MICAL2: variants seen among roughly 807,000 people sequenced by gnomAD.
MICAL2 encodes microtubule associated monooxygenase, calponin and LIM domain containing 2.
In MICAL2, 77 loss-of-function variants were observed where a neutral mutation model predicts 127.3. The ratio of observed to expected loss-of-function variants is 0.60; its 90% CI spans 0.50 to 0.73. The LOEUF is 0.73. Ranked by LOEUF, MICAL2 falls within the 30% of genes least tolerant of loss-of-function variation. MICAL2 has a pLI of 0.00. For missense variants in MICAL2, 1,351 were observed against 1,434.4 expected, an observed-to-expected ratio of 0.94 and a Z score of 0.94; for synonymous variants, 570 against 551.1, an observed-to-expected ratio of 1.03 and a Z score of -0.48.
At chr11:12,244,669 A>C (rs1251549668) in intron 21 of MICAL2, among the ~76,000 whole-genome samples, 1 of 152,154 alleles carries the variant, frequency 6.6e-6, no homozygotes, top group Admixed American at 6.5e-5. Flanking sequence ...TGAGTGTTGA[A>C]GGTTCCATGG....
At chr11:12,218,031 A>G (rs1365290934) in intron 8 of MICAL2, among the ~76,000 whole-genome samples, 1 of 152,200 alleles carries the variant, frequency 6.6e-6, no homozygotes, top group African/African-American at 2.4e-5. Flanking sequence ...ATGGATCCAT[A>G]TCTTCCTATA....
chr11:12,246,235 G>A (rs527704218), intron 21 of MICAL2, among the ~76,000 whole-genome samples: 195 of 152,350 alleles, frequency 1.3e-3, no homozygotes, highest in African/African-American at 4.4e-3. Context: ...GCCACTAAGC[G>A]TGTCCCCATC....
chr11:12,239,951 C>A (rs1479280479), intron 17 of MICAL2, among the ~76,000 whole-genome samples: 1 of 152,220 alleles, frequency 6.6e-6, no homozygotes, highest in African/African-American at 2.4e-5. Flanking sequence ...TAAATCCATT[C>A]CCTAATTTGG....
intron 29 of MICAL2, among the ~76,000 whole-genome samples, chr11:12,311,527 T>A (rs1310202415): frequency 6.6e-6 from 1 of 152,212 alleles, no homozygotes; most frequent in Non-Finnish European, 1.5e-5. Context: ...TTCTCCTGCC[T>A]TAGCCTCCAG....
chr11:12,321,475 C>G lies in MICAL2; in HGVS notation c.5328+1664C>G, dbSNP rs543411866. Among the ~76,000 whole-genome samples, 4 of 152,258 alleles carry G rather than the reference C, an allele frequency of 2.6e-5. No homozygotes were observed. The East Asian group carries it at 7.7e-4, about 29-fold the overall frequency. ...TTGCTTCACCCTTGCTCCCCACTGC[C>G]TCTCCTCCCACACCACACCCAGATC... On this transcript the variant is annotated intron_variant, in intron 30 of 34. Coordinates refer to the MICAL2 transcript ENST00000646065.
chr11:12,111,622 G>A (rs543213838), intron 1 of MICAL2, among the ~76,000 whole-genome samples: 30 of 152,368 alleles, frequency 2.0e-4, no homozygotes, highest in African/African-American at 7.0e-4. Flanking sequence ...AGCGGAAAGA[G>A]CTTTTATTTG....
chr11:12,284,465 C>T (rs1220317803), intron 2 of MICAL2, among the ~76,000 whole-genome samples: 1 of 152,028 alleles, frequency 6.6e-6, no homozygotes, highest in African/African-American at 2.4e-5. Flanking sequence ...TCATTACTAC[C>T]CACCCTATTG....
At chr11:12,181,144 A>C (rs1031707229) in intron 3 of MICAL2, among the ~76,000 whole-genome samples, 4 of 152,104 alleles carry the variant, frequency 2.6e-5, no homozygotes, top group African/African-American at 9.7e-5. Flanking sequence ...GGGTTTTGCT[A>C]TGTTGGCCAG....
At chr11:12,304,928 T>TC (rs1239462242) in intron 29 of MICAL2, among the ~76,000 whole-genome samples, 8 of 152,208 alleles carry the variant, frequency 5.3e-5, no homozygotes, top group Non-Finnish European at 1.2e-4. Context: ...CCATGTGACT[T>TC]ATGGAATGAA....
chr11:12,174,691 G>A (rs959327176), intron 3 of MICAL2, among the ~76,000 whole-genome samples: 48 of 152,054 alleles, frequency 3.2e-4, no homozygotes, highest in African/African-American at 1.1e-3. Context: ...GTTATTTTAG[G>A]TATATACCAG....
intron 22 of MICAL2, among the ~76,000 whole-genome samples, chr11:12,251,489 T>C (rs1249950797): frequency 6.6e-6 from 1 of 151,078 alleles, no homozygotes; most frequent in Non-Finnish European, 1.5e-5. Flanking sequence ...GTCTACCTCT[T>C]GGTGATTCTG....
Position 12,226,238 on chromosome 11 carries a change from C to G in MICAL2, c.1756C>G (p.Arg586Gly), listed in dbSNP as rs574255304. Residue 586 changes from arginine to glycine, a missense_variant, in exon 14 of 28, where the codon CGA becomes GGA. Around this residue, in one of 2 missense-constraint regions of MICAL2, gnomAD observed 752 missense variants for 719.4 expected, o/e 1.05. Transcript: ENST00000683283. ...CCAGCTCGCATTTGATGTGGCCGAG[C>G]GAGAGTTTGGGATCCCTCCAGTGAC... is the stretch of plus-strand genomic sequence containing the variant. Reference protein sequence around the residue: ...NNQLAFDVAEREFGIPPVTTG... With the variant: ...NNQLAFDVAEGEFGIPPVTTG... The G allele has an allele frequency of 4.2e-5, 67 of 1,614,218 alleles. No homozygotes were observed. In the South Asian group the frequency reaches 6.3e-4, roughly 15 times the overall value.
chr11:12,233,959 A>G (rs964764549), intron 15 of MICAL2, among the ~76,000 whole-genome samples: 9 of 152,248 alleles, frequency 5.9e-5, no homozygotes, highest in Admixed American at 2.0e-4. Context: ...CAGTGCTTCA[A>G]TGTTAAATTC....
intron 2 of MICAL2, among the ~76,000 whole-genome samples, chr11:12,157,503 A>G (rs992041582): frequency 5.3e-5 from 8 of 152,202 alleles, no homozygotes; most frequent in Non-Finnish European, 1.5e-5. Context: ...CACTTGGCAA[A>G]AACCAAATTG....
At chr11:12,345,748 A>T (rs1938943854) in intron 32 of MICAL2, among the ~76,000 whole-genome samples, 1 of 152,216 alleles carries the variant, frequency 6.6e-6, no homozygotes, top group South Asian at 2.1e-4. Flanking sequence ...GCCCCAGTGA[A>T]GATGCTGCTA....
intron 21 of MICAL2, 76 bp from the exon 22 acceptor site, chr11:12,249,108 T>A: frequency 1.3e-6 from 2 of 1,595,168 alleles, no homozygotes; most frequent in East Asian, 4.5e-5. Flanking sequence ...GTAAAGCTTC[T>A]CTTTCCCCAG....
At chr11:12,116,337 G>A (rs1191020183) in intron 1 of MICAL2, among the ~76,000 whole-genome samples, 1 of 143,792 alleles carries the variant, frequency 7.0e-6, no homozygotes, top group Non-Finnish European at 1.5e-5. Context: ...TCTAATGTTA[G>A]GCTCTTGATT....
rs117361451 is a variant in MICAL2, at chr11:12,235,814, C to T, written c.1996-363C>T. ...TGGCCTTGGGCAAACCATTAAACTGCTCTGAGCCCAAGGCCACTTTGCAAT... is the reference window on the plus strand; with the variant it reads ...TGGCCTTGGGCAAACCATTAAACTGTTCTGAGCCCAAGGCCACTTTGCAAT... On this transcript the variant is annotated intron_variant, in intron 15 of 27. Coordinates refer to ENST00000683283, the MANE Select transcript of MICAL2 (RefSeq NM_001282663.2). Among the ~76,000 whole-genome samples, 545 of 152,298 alleles carry T rather than the reference C, an allele frequency of 3.6e-3. 1 individual carries two copies. Among genetic ancestry groups the T allele is most frequent in the Admixed American group, 7.3e-3 (112 of 15,306 alleles).
intron 1 of MICAL2, among the ~76,000 whole-genome samples, chr11:12,111,503 C>T: frequency 6.6e-6 from 1 of 152,244 alleles, no homozygotes; most frequent in Admixed American, 6.5e-5. Flanking sequence ...CACCGCCAGC[C>T]TCACTGGCAG....
Sources: gnomAD v4.1 joint callset for allele counts (sites outside exome capture counted in the v4.1 genomes callset) on GRCh38, gnomAD v4.1.1 for gene constraint, gnomAD v4.1.1 regional missense constraint, MANE v1.5 for transcripts, NCBI Gene and HGNC (gene_info 2026-07-23, HGNC 2026-07-21) for gene names.